Variants in MYO1B observed in about 807,000 individuals in gnomAD.
MYO1B encodes myosin IB.
MYO1B carries 72 observed loss-of-function variants against 159.7 expected under a neutral mutation model. That is an observed-to-expected ratio of 0.45 (90% CI 0.37 to 0.55). The LOEUF (loss-of-function observed/expected upper bound fraction) is 0.55, where lower values mean the gene tolerates loss of function less well. Ranked by LOEUF, MYO1B falls within the 20% of genes least tolerant of loss-of-function variation. The pLI, the probability that MYO1B is intolerant of heterozygous loss-of-function variation, is 0.00. For synonymous variants in MYO1B, 468 were observed against 473.8 expected, an observed-to-expected ratio of 0.99 and a Z score of 0.16; for missense variants, 1,062 against 1,364.8, an observed-to-expected ratio of 0.78 and a Z score of 3.50.
chr2:191,416,406 C>T lies in MYO1B; in HGVS notation c.3287+164C>T, dbSNP rs778341909. On this transcript the variant is annotated intron_variant, in intron 30 of 30. Transcript: ENST00000392318. Reference sequence around the variant, plus strand: ...GCAGTGAATGACACTGACCAAGTCTCCAACCTCATGTACCTGACATCCTAG... The same window carrying T: ...GCAGTGAATGACACTGACCAAGTCTTCAACCTCATGTACCTGACATCCTAG... 1.4e-4 allele frequency: 99 copies of T among 728,462 alleles called. No individual in the cohort carries two copies. In the Middle Eastern group the frequency reaches 6.4e-3, roughly 47 times the overall value. The allele number at this position is 728,462 out of a possible 1,614,324, so 45.1% of individuals were successfully genotyped here.
At chr2:191,393,360 C>A in intron 20 of MYO1B, 138 bp downstream of exon 20, 1 of 1,058,140 alleles carries the variant, frequency 9.5e-7, no homozygotes, top group Non-Finnish European at 1.3e-6. Context: ...CTTAATGGTT[C>A]TTTTTTTTAA....
intron 15 of MYO1B, 39 bp from the exon 16 acceptor site, chr2:191,385,845 T>C (rs373023244): frequency 1.4e-5 from 22 of 1,597,656 alleles, no homozygotes; most frequent in Non-Finnish European, 1.8e-5. Context: ...AACAATATAG[T>C]GAGGAAGGAA....
intron 2 of MYO1B, among the ~76,000 whole-genome samples, chr2:191,286,500 A>G (rs1688382068): frequency 6.6e-6 from 1 of 152,178 alleles, no homozygotes. Flanking sequence ...ATTGGAGTGA[A>G]TAGCATGTTG....
At chr2:191,419,218 A>G (rs1166877833) in intron 30 of MYO1B, among the ~76,000 whole-genome samples, 1 of 151,950 alleles carries the variant, frequency 6.6e-6, no homozygotes, top group Admixed American at 6.6e-5. Flanking sequence ...TATTTATTAT[A>G]CTATACTTTT....
chr2:191,397,676 T>G (rs1417900507), intron 21 of MYO1B, among the ~76,000 whole-genome samples: 1 of 145,808 alleles, frequency 6.9e-6, no homozygotes, highest in Non-Finnish European at 1.5e-5. Context: ...ACCGCCATTG[T>G]CATCATGGCC....
chr2:191,421,262 G>C (rs1329966550), intron 30 of MYO1B, among the ~76,000 whole-genome samples: 1 of 151,708 alleles, frequency 6.6e-6, no homozygotes, highest in African/African-American at 2.4e-5. Flanking sequence ...TAAAGACGAG[G>C]TTTCACCGTC....
chr2:191,279,865 A>G (rs1372087296), intron 2 of MYO1B, among the ~76,000 whole-genome samples: 2 of 152,162 alleles, frequency 1.3e-5, no homozygotes, highest in Non-Finnish European at 2.9e-5. Flanking sequence ...TTGAACAGTA[A>G]TTTGTATGTT....
chr2:191,268,533 A>AT (rs1379752043), intron 1 of MYO1B, among the ~76,000 whole-genome samples: 3 of 152,154 alleles, frequency 2.0e-5, no homozygotes, highest in African/African-American at 7.2e-5. Flanking sequence ...AGGAATGGTT[A>AT]TTGACACTGG....
intron 3 of MYO1B, among the ~76,000 whole-genome samples, chr2:191,317,178 C>G (rs1323279195): frequency 6.7e-6 from 1 of 149,072 alleles, no homozygotes; most frequent in Non-Finnish European, 1.5e-5. Context: ...ATTTTTGCAT[C>G]CTGTCCAATG....
intron 1 of MYO1B, among the ~76,000 whole-genome samples, chr2:191,255,365 CAG>C (rs1305447711): frequency 3.3e-5 from 5 of 152,116 alleles, no homozygotes; most frequent in Non-Finnish European, 7.4e-5. Context: ...AGGAAAAGGA[CAG>C]GGGGCTGTGA....
chr2:191,287,405 C>T (rs1179267349), intron 2 of MYO1B, among the ~76,000 whole-genome samples: 2 of 152,122 alleles, frequency 1.3e-5, no homozygotes, highest in Admixed American at 6.5e-5. Context: ...TGGCGGGCAC[C>T]TGTAATCCCA....
At chr2:191,407,115 T>G (rs970408377) in intron 24 of MYO1B, among the ~76,000 whole-genome samples, 4 of 152,222 alleles carry the variant, frequency 2.6e-5, no homozygotes, top group Non-Finnish European at 4.4e-5. Flanking sequence ...TGCTAGATCT[T>G]AGACAACTTT....
At chr2:191,273,388 G>A (rs1466535231) in intron 1 of MYO1B, among the ~76,000 whole-genome samples, 1 of 152,196 alleles carries the variant, frequency 6.6e-6, no homozygotes, top group Non-Finnish European at 1.5e-5. Flanking sequence ...CTCCCAAAGT[G>A]TTGGGATTAC....
chr2:191,398,993 C>T (rs1179204583), intron 21 of MYO1B, among the ~76,000 whole-genome samples: 1 of 152,212 alleles, frequency 6.6e-6, no homozygotes, highest in East Asian at 1.9e-4. Context: ...ACTGAGTGAA[C>T]GAGACTCCGT....
chr2:191,282,695 G>A (rs1160706852), intron 2 of MYO1B, among the ~76,000 whole-genome samples: 1 of 152,200 alleles, frequency 6.6e-6, no homozygotes, highest in East Asian at 1.9e-4. Context: ...GGAAGTAGGA[G>A]GAGGTTCTCT....
At chr2:191,389,720 G>A (rs1326638472) in intron 17 of MYO1B, among the ~76,000 whole-genome samples, 6 of 152,180 alleles carry the variant, frequency 3.9e-5, no homozygotes, top group Non-Finnish European at 5.9e-5. Context: ...ACAGATATAG[G>A]GAGGAAACAG....
intron 21 of MYO1B, among the ~76,000 whole-genome samples, chr2:191,397,764 G>A (rs1443355092): frequency 4.8e-5 from 7 of 145,246 alleles, no homozygotes; most frequent in African/African-American, 1.3e-4. Context: ...TCCCAGTAGG[G>A]GCGGCCGGGC....
At chr2:191,307,648 G>GC (rs1347685355) in intron 3 of MYO1B, among the ~76,000 whole-genome samples, 2 of 152,048 alleles carry the variant, frequency 1.3e-5, no homozygotes, top group African/African-American at 4.8e-5. Flanking sequence ...CAGGTCAAAG[G>GC]CTTAGTCCTA....
Position 191,245,550 on chromosome 2 carries a change from C to T in MYO1B, c.-86C>T, listed in dbSNP as rs1375652368. On this transcript the variant is annotated 5_prime_UTR_variant, in exon 1 of 31. Coordinates refer to ENST00000392318, the MANE Select transcript of MYO1B (RefSeq NM_001130158.3). ...GGAGCCCCGCAGCCCCGGGCTGGGC[C>T]CGCGTCCCGGAGCGCCACCGGAGAG... is the stretch of plus-strand genomic sequence containing the variant. 1 of 152,258 alleles carries T rather than the reference C, an allele frequency of 6.6e-6. No homozygotes were observed. Among genetic ancestry groups the T allele is most frequent in the South Asian group, 2.1e-4 (1 of 4,830 alleles). 9.4% of individuals were successfully genotyped at this position (152,258 alleles called of 1,614,324 possible).
Sources: allele counts gnomAD v4.1 joint callset (sites outside exome capture counted in the v4.1 genomes callset), GRCh38; gene constraint gnomAD v4.1.1; transcripts MANE v1.5; gene names NCBI Gene and HGNC (gene_info 2026-07-23, HGNC 2026-07-21).